The following APC2 variants were observed in gnomAD, a reference collection of about 807,000 sequenced individuals.
APC2 encodes the protein APC regulator of Wnt signaling pathway 2.
Under a neutral mutation model 72.5 loss-of-function variants are expected in APC2, and 41 were observed. The ratio of observed to expected loss-of-function variants is 0.57; its 90% CI spans 0.44 to 0.73. The LOEUF is 0.73. Among genes scored for constraint, APC2 ranks in the 30% least tolerant of loss-of-function variants. The pLI is 0.00. For synonymous variants in APC2, 1,898 were observed against 1,612.0 expected (o/e 1.18, Z -4.25); for missense variants, 3,729 against 3,403.4 (o/e 1.10, Z -2.38).
Position 1,467,846 on chromosome 19 carries a change from C to G in APC2, c.4545C>G (p.Asp1515Glu). The change falls in exon 15 of 15, where the codon GAC becomes GAG. Residue 1515 changes from aspartate (D) to glutamate (E), a missense_variant. Physicochemically the swap from Asp to Glu is conservative, Grantham distance 45 (BLOSUM62 2). Transcript: ENST00000590469. Reference protein sequence around the residue: ...AVYCFYGNDSDEEPPAAAPTP... With the variant: ...AVYCFYGNDSEEEPPAAAPTP... ...ACTGCTTCTACGGCAACGACTCGGA[C>G]GAGGAGCCCCCGGCGGCCGCGCCCA... 1 of 1,536,446 alleles carries G rather than the reference C, an allele frequency of 6.5e-7. No homozygotes were observed. The highest frequency in any genetic ancestry group is 8.7e-7 in the Non-Finnish European group (1 of 1,149,704).
At chr19:1,456,238 A>G in intron 7 of APC2, 68 bp from the exon 8 acceptor site, 2 of 1,558,266 alleles carry the variant, frequency 1.3e-6, no homozygotes, top group South Asian at 2.3e-5. Context: ...GCCCCCGCCC[A>G]CATCATCACG....
chr19:1,461,083 A>G lies in APC2; in HGVS notation c.1568A>G (p.Asn523Ser). 6.2e-7 allele frequency: 1 copy of G among 1,613,822 alleles called. No homozygotes were observed. Among genetic ancestry groups the G allele is most frequent in the Non-Finnish European group, 8.5e-7 (1 of 1,180,030 alleles). Residue 523 changes from asparagine (N) to serine (S), a missense_variant, in exon 13 of 15, where the codon AAC becomes AGC. Physicochemically the swap from Asn to Ser is conservative, Grantham distance 46. Transcript: ENST00000590469. ...AACTTGTCCTGGAGGGCCGACATCA[A>G]CAGCAAGAAGGTGCTGAGGGAGGCG... ...LRNLSWRADI[N>S]SKKVLREAGS...
At chr19:1,456,492 C>T in intron 8 of APC2, 88 bp downstream of exon 8, 2 of 1,314,192 alleles carry the variant, frequency 1.5e-6, no homozygotes, top group African/African-American at 1.5e-5. Flanking sequence ...GTGGTGCCCT[C>T]CCATGCCTCC....
chr19:1,461,832 A>G (rs746477510), intron 13 of APC2, 131 bp from the exon 14 acceptor site: 6 of 726,486 alleles, frequency 8.3e-6, no homozygotes, highest in East Asian at 5.5e-5. Flanking sequence ...AGCCTGGGGG[A>G]GAGAGTGAGA....
chr19:1,468,602 C>G lies in APC2; in HGVS notation c.5301C>G (p.Ser1767=). 1 of 1,601,036 alleles carries G rather than the reference C, an allele frequency of 6.2e-7. No homozygotes were observed. Among genetic ancestry groups the G allele is most frequent in the Non-Finnish European group, 8.5e-7 (1 of 1,172,318 alleles). ...ASVKTSGSPR[S]PAGPEKPRGT... ...TCAAGACCAGCGGGAGCCCCCGTTC[C>G]CCTGCAGGCCCCGAGAAGCCACGTG... Residue 1767 remains serine, a synonymous_variant, in exon 15 of 15, where the codon TCC becomes TCG. Coordinates refer to ENST00000590469, the MANE Select transcript of APC2 (RefSeq NM_005883.3).
upstream of APC2, chr19:1,446,282 G>A (rs1353590018): frequency 2.0e-6 from 2 of 982,176 alleles, no homozygotes; most frequent in Non-Finnish European, 2.4e-6. This position sits in a 1 kb window ranked among gnomAD's most constrained non-coding sequence, Gnocchi z 6.1. Flanking sequence ...GGGCGGCCGC[G>A]GCTCCATGGG....
intron 12 of APC2, 72 bp from the exon 13 acceptor site, chr19:1,460,965 G>A (rs2083913329): frequency 1.3e-6 from 2 of 1,597,136 alleles, no homozygotes; most frequent in Admixed American, 3.3e-5. Context: ...ACTCTCTGCA[G>A]ACTCACATTT....
rs776576610 is a variant in APC2, at chr19:1,456,445, G to A, written c.816+41G>A. ...AAACGGGGGCTGGCGCAGCTGTCTG[G>A]GCTGGAAGGGGGATCAGGTCTGCAT... On this transcript the variant is annotated intron_variant, in intron 8 of 14. Transcript: ENST00000590469. The A allele has an allele frequency of 5.2e-6, 8 of 1,525,282 alleles. No homozygotes were observed. In the African/African-American group the frequency reaches 1.1e-4, roughly 21 times the overall value. The allele number at this position is 1,525,282 out of a possible 1,614,324, so 94.5% of individuals were successfully genotyped here.
At position 1,454,563 on chromosome 19, in the gene APC2, C is replaced by CTTTT. The variant is rs71174371; in HGVS notation, c.414-571_414-568dup. On this transcript the variant is annotated intron_variant, in intron 4 of 14. Coordinates refer to ENST00000590469, the MANE Select transcript of APC2 (RefSeq NM_005883.3). ...CATCATGCCTGGCTAATCTTTTGTA[C>CTTTT]TTTTTTTTTTTTTTTTTTGAGACGG... 2.1e-4 allele frequency among the ~76,000 whole-genome samples: 24 copies of CTTTT among 116,134 alleles called. 1 individual carries two copies. The highest frequency in any genetic ancestry group is 8.4e-4 in the African/African-American group (23 of 27,418). The allele number at this position is 116,134 out of a possible 152,430, so 76.2% of individuals were successfully genotyped here. A position where few individuals can be genotyped will look rare whatever the true frequency, so the allele number is the denominator to read the frequency against.
At position 1,466,470 on chromosome 19, in the gene APC2, A is replaced by G. The variant is rs572091501; in HGVS notation, c.3169A>G (p.Lys1057Glu). The G allele has an allele frequency of 1.9e-6, 3 of 1,598,106 alleles. No individual in the cohort carries two copies. In the Admixed American group the frequency reaches 5.0e-5, roughly 27 times the overall value. The change falls in exon 15 of 15, where the codon AAA (lysine) becomes GAA (glutamate). Residue 1057 changes from lysine (K) to glutamate (E), a missense_variant. By Grantham distance (56) the Lys-to-Glu change is moderately conservative. Coordinates refer to ENST00000590469, the MANE Select transcript of APC2 (RefSeq NM_005883.3). ...PLSVASKALQ[K>E]LAAQEGPLSL... ...GTCTGTGGCCAGCAAGGCACTGCAG[A>G]AACTGGCGGCGCAAGAGGGGCCACT... is the stretch of plus-strand genomic sequence containing the variant.
Position 1,465,820 on chromosome 19 carries a change from CGGCCAAGGCCAA to C in APC2, c.2527_2538del (p.Ala843_Lys846del). ...GACACCAGTGGGGAGGCAGCCGTGG[CGGCCAAGGCCAA>C]GGCCAAGCTGGCGCTTGCAGTGGCG... On this transcript the variant is annotated inframe_deletion, in exon 15 of 15. Coordinates refer to ENST00000590469, the MANE Select transcript of APC2 (RefSeq NM_005883.3). The C allele has an allele frequency of 6.3e-7, 1 of 1,579,772 alleles. No individual in the cohort carries two copies. Among genetic ancestry groups the C allele is most frequent in the South Asian group, 1.1e-5 (1 of 87,374 alleles).
chr19:1,463,781 G>T (rs532073445), intron 14 of APC2, among the ~76,000 whole-genome samples: 1 of 151,880 alleles, frequency 6.6e-6, no homozygotes, highest in Admixed American at 6.6e-5. Flanking sequence ...TAATATAACT[G>T]TCTTCATTAA....
At position 1,472,819 on chromosome 19, in the gene APC2, C is replaced by G. The variant is rs947394063; in HGVS notation, c.*2606C>G. 1.4e-4 allele frequency: 21 copies of G among 152,584 alleles called. No individual in the cohort carries two copies. Among genetic ancestry groups the G allele is most frequent in the African/African-American group, 3.6e-4 (15 of 41,574 alleles). The allele number at this position is 152,584 out of a possible 1,614,324, so 9.5% of individuals were successfully genotyped here. A position where few individuals can be genotyped will look rare whatever the true frequency, so the allele number is the denominator to read the frequency against. On this transcript the variant is annotated 3_prime_UTR_variant, in exon 15 of 15. Coordinates refer to ENST00000590469, the MANE Select transcript of APC2 (RefSeq NM_005883.3). ...CACCAGGGTGACAAGGGGTCCTCGT[C>G]TGCCCCCCAATGCTCCAGGGCCAGT...
chr19:1,466,126 T>C lies in APC2; in HGVS notation c.2825T>C (p.Met942Thr), dbSNP rs766055472. Residue 942 changes from methionine to threonine, a missense_variant, in exon 15 of 15, where the codon ATG becomes ACG. Transcript: ENST00000590469. ...GACGGGTACTGCCCACGCGAACATA[T>C]GCTGCCCTGCCCGCTGGCCGCACTG... is the stretch of plus-strand genomic sequence containing the variant. ...ASDGYCPREH[M>T]LPCPLAALAS... The C allele has an allele frequency of 3.2e-6, 5 of 1,566,106 alleles. No individual in the cohort carries two copies. The South Asian group carries it at 3.5e-5, about 11-fold the overall frequency.
chr19:1,467,483 G>T lies in APC2; in HGVS notation c.4182G>T (p.Glu1394Asp). 6.9e-7 allele frequency: 1 copy of T among 1,457,044 alleles called. No individual in the cohort carries two copies. The highest frequency in any genetic ancestry group is 9.0e-7 in the Non-Finnish European group (1 of 1,106,630). 90.3% of individuals were successfully genotyped at this position (1,457,044 alleles called of 1,614,324 possible). The change falls in exon 15 of 15, where the codon GAG becomes GAT. Residue 1394 changes from glutamate (E) to aspartate (D), a missense_variant. By Grantham distance (45) the Glu-to-Asp change is conservative. Coordinates refer to ENST00000590469, the MANE Select transcript of APC2 (RefSeq NM_005883.3). ...ACGACTCCTGCACTGACTCCGCGGA[G>T]GGCACGCCGGTCAACTTCTCTAGCG... ...QEDDSCTDSA[E>D]GTPVNFSSAA...
Position 1,452,150 on chromosome 19 carries a change from A to T in APC2, c.-18-834A>T, listed in dbSNP as rs1333403562. ...GGGCTCCGGCGGGAGGGCCGAGCCG[A>T]GGGAGGAGGCGCCGGCCAGCTGGAC... On this transcript the variant is annotated intron_variant, in intron 1 of 14. Coordinates refer to ENST00000590469, the MANE Select transcript of APC2 (RefSeq NM_005883.3). The surrounding 1 kb of genome is among the most constrained non-coding windows in gnomAD (Gnocchi z 5.1). 1 of 152,728 alleles carries T rather than the reference A, an allele frequency of 6.5e-6. No individual in the cohort carries two copies. Among genetic ancestry groups the T allele is most frequent in the Non-Finnish European group, 1.5e-5 (1 of 68,628 alleles). The allele number at this position is 152,728 out of a possible 1,614,324, so 9.5% of individuals were successfully genotyped here. A position where few individuals can be genotyped will look rare whatever the true frequency, so the allele number is the denominator to read the frequency against.
At position 1,462,009 on chromosome 19, in the gene APC2, C is replaced by T; in HGVS notation, c.1685C>T (p.Ala562Val). Reference protein sequence around the residue: ...SVLSALWNLSAHSTENKAAIC... With the variant: ...SVLSALWNLSVHSTENKAAIC... The stretch of plus-strand genomic sequence containing the variant: ...CTGAGCGCCCTGTGGAATCTGTCTG[C>T]ACACAGCACAGAGAACAAGGCGGCC... The change falls in exon 14 of 15, where the codon GCA becomes GTA. Residue 562 changes from alanine (A) to valine (V), a missense_variant. By Grantham distance (64) the Ala-to-Val change is moderately conservative (BLOSUM62 0). Transcript: ENST00000590469. 6.2e-7 allele frequency: 1 copy of T among 1,613,138 alleles called. No homozygotes were observed. The highest frequency in any genetic ancestry group is 8.5e-7 in the Non-Finnish European group (1 of 1,179,996).
intron 14 of APC2, among the ~76,000 whole-genome samples, chr19:1,464,004 G>A (rs756206582): frequency 6.3e-4 from 96 of 152,014 alleles, no homozygotes; most frequent in Middle Eastern, 3.4e-3. Context: ...GTGAAACTCC[G>A]TCTCTAATAA....
chr19:1,454,378 T>G (rs2083785589), intron 4 of APC2, among the ~76,000 whole-genome samples: 1 of 132,338 alleles, frequency 7.6e-6, no homozygotes, highest in South Asian at 2.4e-4. Context: ...TTTTTTTTTT[T>G]GTTTAGTACA....
Sources: gnomAD v4.1 joint callset for allele counts (sites outside exome capture counted in the v4.1 genomes callset) on GRCh38, gnomAD v4.1.1 for gene constraint, Gnocchi (gnomAD v3.1) non-coding constraint, MANE v1.5 for transcripts, NCBI Gene and HGNC (gene_info 2026-07-23, HGNC 2026-07-21) for gene names.